The following ANKS1B variants were observed in gnomAD, a reference collection of about 807,000 sequenced individuals.
ANKS1B encodes ankyrin repeat and sterile alpha motif domain containing 1B, also known as ankyrin repeat and sterile alpha motif domain-containing protein 1B.
A neutral mutation model predicts 148.3 loss-of-function variants in ANKS1B; 36 were observed. The observed-to-expected ratio is 0.24, with a 90% CI of 0.19 to 0.32. The LOEUF is 0.32. Among genes scored for constraint, ANKS1B ranks in the 10% least tolerant of loss-of-function variants. The pLI is 1.00. For synonymous variants in ANKS1B, 542 were observed against 560.8 expected (o/e 0.97, Z 0.47); for missense variants, 1,157 against 1,542.6 (o/e 0.75, Z 4.19).
intron 8 of ANKS1B, among the ~76,000 whole-genome samples, chr12:99,703,208 T>C (rs1035996528): frequency 1.2e-4 from 18 of 152,138 alleles, no homozygotes; most frequent in African/African-American, 4.3e-4. Context: ...TTGAATTAGA[T>C]CAATCTGAAA....
At chr12:99,586,103 T>C (rs111728451) in intron 9 of ANKS1B, among the ~76,000 whole-genome samples, 64 of 152,244 alleles carry the variant, frequency 4.2e-4, no homozygotes, top group Non-Finnish European at 6.9e-4. Flanking sequence ...TGAACTTTTA[T>C]GGTCTGCTCC....
intron 9 of ANKS1B, among the ~76,000 whole-genome samples, chr12:99,644,370 C>A (rs1276749816): frequency 6.6e-6 from 1 of 152,160 alleles, no homozygotes; most frequent in Admixed American, 6.5e-5. Context: ...CTACCATTTC[C>A]CCCGCTTTCT....
chr12:99,566,174 C>A (rs376194820), intron 9 of ANKS1B, among the ~76,000 whole-genome samples: 2 of 152,278 alleles, frequency 1.3e-5, no homozygotes, highest in Non-Finnish European at 2.9e-5. Context: ...TTTTCAGTCA[C>A]GTAATCCTAA....
At chr12:99,596,295 C>A (rs963176326) in intron 9 of ANKS1B, among the ~76,000 whole-genome samples, 5 of 151,808 alleles carry the variant, frequency 3.3e-5, no homozygotes, top group African/African-American at 1.2e-4. Context: ...CTCATGGTAT[C>A]ATCAATCCTT....
At chr12:99,524,534 G>A (rs538717227) in intron 9 of ANKS1B, among the ~76,000 whole-genome samples, 15 of 152,296 alleles carry the variant, frequency 9.8e-5, no homozygotes, top group African/African-American at 3.1e-4. Flanking sequence ...GATGCAACAC[G>A]AGGTATCTGA....
intron 12 of ANKS1B, among the ~76,000 whole-genome samples, chr12:99,352,403 C>T (rs1490694261): frequency 1.3e-5 from 2 of 151,714 alleles, no homozygotes; most frequent in Admixed American, 6.6e-5. Flanking sequence ...TGATGAGGAT[C>T]TGGGAGGGGG....
At chr12:99,118,918 G>C (rs75950783) in intron 15 of ANKS1B, among the ~76,000 whole-genome samples, 1 of 152,044 alleles carries the variant, frequency 6.6e-6, no homozygotes, top group Non-Finnish European at 1.5e-5. Flanking sequence ...TTTTGGTCTC[G>C]GGGTAACAAC....
chr12:98,742,939 C>CA (rs2097813342), downstream of ANKS1B, among the ~76,000 whole-genome samples: 1 of 152,084 alleles, frequency 6.6e-6, no homozygotes, highest in Non-Finnish European at 1.5e-5. Context: ...AACTTTATTT[C>CA]AAAAAATGTG....
chr12:99,919,973 C>G (rs1439825302), intron 1 of ANKS1B, among the ~76,000 whole-genome samples: 17 of 152,030 alleles, frequency 1.1e-4, no homozygotes, highest in Non-Finnish European at 4.4e-5. Context: ...TTTAAATTTA[C>G]ATAAGTGGTT....
chr12:99,112,922 T>C (rs2153703875), intron 15 of ANKS1B, among the ~76,000 whole-genome samples: 1 of 152,284 alleles, frequency 6.6e-6, no homozygotes, highest in East Asian at 1.9e-4. Context: ...AGATAATGGG[T>C]TACAAAGATA....
At chr12:98,753,496 C>G (rs1344201297) in intron 25 of ANKS1B, among the ~76,000 whole-genome samples, 1 of 152,226 alleles carries the variant, frequency 6.6e-6, no homozygotes, top group East Asian at 1.9e-4. Flanking sequence ...GGCACAATCT[C>G]GGCTCACTGC....
At chr12:99,606,625 C>T (rs760534749) in intron 9 of ANKS1B, among the ~76,000 whole-genome samples, 37 of 151,962 alleles carry the variant, frequency 2.4e-4, no homozygotes, top group Non-Finnish European at 4.1e-4. Context: ...CATATTTTAA[C>T]TTACTTAGAA....
At chr12:99,522,621 C>T (rs1440864965) in intron 9 of ANKS1B, among the ~76,000 whole-genome samples, 1 of 151,984 alleles carries the variant, frequency 6.6e-6, no homozygotes, top group Non-Finnish European at 1.5e-5. Context: ...TTCTATGCTT[C>T]AGTAGAGAAA....
chr12:99,537,891 GGATTT>G (rs1385669636), intron 9 of ANKS1B, among the ~76,000 whole-genome samples: 6 of 151,942 alleles, frequency 3.9e-5, no homozygotes, highest in South Asian at 2.1e-4. Context: ...ATGGTTTGAG[GGATTT>G]GATTTAAGTC....
At chr12:99,633,816 G>C (rs932049544) in intron 9 of ANKS1B, among the ~76,000 whole-genome samples, 1 of 152,138 alleles carries the variant, frequency 6.6e-6, no homozygotes, top group Non-Finnish European at 1.5e-5. Flanking sequence ...TCAACAAGTG[G>C]GCGAAGGATA....
At chr12:98,914,760 C>T (rs1018463591) in intron 17 of ANKS1B, among the ~76,000 whole-genome samples, 1 of 152,102 alleles carries the variant, frequency 6.6e-6, no homozygotes, top group African/African-American at 2.4e-5. Context: ...CTGCATGTAT[C>T]TGCATGGGTT....
At chr12:99,020,870 G>A (rs2099945393) in intron 17 of ANKS1B, among the ~76,000 whole-genome samples, 1 of 152,112 alleles carries the variant, frequency 6.6e-6, no homozygotes, top group Admixed American at 6.6e-5. Context: ...AGAATGCAGA[G>A]AAGTGCAGGA....
chr12:99,955,178 G>A (rs1008138586), intron 1 of ANKS1B, among the ~76,000 whole-genome samples: 3 of 151,970 alleles, frequency 2.0e-5, no homozygotes, highest in African/African-American at 4.8e-5. Context: ...GTCTTTGCAC[G>A]GTCTGGCCTC....
intron 10 of ANKS1B, among the ~76,000 whole-genome samples, chr12:99,458,879 T>A (rs953802598): frequency 6.6e-6 from 1 of 151,486 alleles, no homozygotes; most frequent in East Asian, 1.9e-4. Context: ...CCAAAAGATA[T>A]AGAAAAAGAG....
Sources: allele counts gnomAD v4.1 joint callset (sites outside exome capture counted in the v4.1 genomes callset), GRCh38; gene constraint gnomAD v4.1.1; transcripts MANE v1.5; gene names NCBI Gene and HGNC (gene_info 2026-07-23, HGNC 2026-07-21).